The following KCNK10 variants were observed in gnomAD, a reference collection of about 807,000 sequenced individuals.
KCNK10 encodes the protein potassium two pore domain channel subfamily K member 10.
KCNK10 carries 25 observed loss-of-function variants against 47.7 expected under a neutral mutation model. That is an observed-to-expected ratio of 0.52 (90% CI 0.38 to 0.73). KCNK10 has a LOEUF of 0.73. KCNK10 is among the 30% of genes least tolerant of loss of function. The pLI is 0.00. For synonymous variants in KCNK10, 303 were observed against 285.6 expected (o/e 1.06, Z -0.61); for missense variants, 563 against 714.5 (o/e 0.79, Z 2.42).
chr14:88,235,108 TAGG>T lies in KCNK10; in HGVS notation c.520+5592_520+5594del. On this transcript the variant is annotated intron_variant, in intron 3 of 6. Coordinates refer to ENST00000319231, the MANE Select transcript of KCNK10 (RefSeq NM_138317.3). ...TGATCTGGTTCAGAAAACAGGGAGG[TAGG>T]ACAGAAATAATACAGAAGGACCCTA... 4 of 455,794 alleles carry T rather than the reference TAGG, an allele frequency of 8.8e-6. No homozygotes were observed. The Admixed American group carries it at 9.4e-5, about 11-fold the overall frequency. The allele number at this position is 455,794 out of a possible 1,614,324, so 28.2% of individuals were successfully genotyped here. A position where few individuals can be genotyped will look rare whatever the true frequency, so the allele number is the denominator to read the frequency against.
intron 4 of KCNK10, among the ~76,000 whole-genome samples, chr14:88,195,930 G>A (rs146353410): frequency 1.9e-3 from 293 of 152,342 alleles, no homozygotes; most frequent in African/African-American, 6.9e-3. Flanking sequence ...TTACTTACCA[G>A]TAAGCAGAGC....
At chr14:88,241,445 G>C in intron 2 of KCNK10, among the ~76,000 whole-genome samples, 1 of 152,056 alleles carries the variant, frequency 6.6e-6, no homozygotes, top group Middle Eastern at 3.4e-3. Context: ...TCCCAGTTAG[G>C]GTTTACCAAA....
At chr14:88,320,819 C>T (rs1225048191) in intron 1 of KCNK10, among the ~76,000 whole-genome samples, 1 of 152,164 alleles carries the variant, frequency 6.6e-6, no homozygotes, top group Non-Finnish European at 1.5e-5. Context: ...TGTCACTCCT[C>T]GTCTTGAAAC....
At chr14:88,313,617 C>G (rs1244553497) in intron 1 of KCNK10, among the ~76,000 whole-genome samples, 2 of 152,140 alleles carry the variant, frequency 1.3e-5, no homozygotes, top group African/African-American at 2.4e-5. Context: ...CATGAGCACA[C>G]CAGCTTGGAA....
intron 1 of KCNK10, among the ~76,000 whole-genome samples, chr14:88,300,066 C>T (rs1217553646): frequency 6.6e-6 from 1 of 152,150 alleles, no homozygotes; most frequent in Non-Finnish European, 1.5e-5. Context: ...AGCCTAATCT[C>T]ACTTCCTCTA....
intron 1 of KCNK10, among the ~76,000 whole-genome samples, chr14:88,275,811 G>A (rs898044240): frequency 5.3e-5 from 8 of 152,086 alleles, no homozygotes; most frequent in South Asian, 2.1e-4. Context: ...AGGTTGGAGT[G>A]AGCTGAGATT....
At chr14:88,294,937 T>G (rs1264057472) in intron 1 of KCNK10, among the ~76,000 whole-genome samples, 1 of 152,216 alleles carries the variant, frequency 6.6e-6, no homozygotes, top group Non-Finnish European at 1.5e-5. Context: ...TCATGAATAT[T>G]CTAATTCTCT....
chr14:88,203,904 C>T (rs1443554302), intron 4 of KCNK10, among the ~76,000 whole-genome samples: 1 of 152,114 alleles, frequency 6.6e-6, no homozygotes, highest in African/African-American at 2.4e-5. Context: ...GAAACTTGGA[C>T]AGGGTAGGTA....
chr14:88,196,280 T>A (rs1166985489), intron 4 of KCNK10, among the ~76,000 whole-genome samples: 1 of 152,216 alleles, frequency 6.6e-6, no homozygotes, highest in African/African-American at 2.4e-5. Context: ...AAAGACCAAG[T>A]AAGCTTCGTA....
chr14:88,234,779 G>T (rs540866243), intron 3 of KCNK10, among the ~76,000 whole-genome samples: 1 of 152,274 alleles, frequency 6.6e-6, no homozygotes, highest in South Asian at 2.1e-4. Context: ...TTGTATGTGG[G>T]CAGAAAATCC....
At chr14:88,191,254 AAAAC>A (rs1884737247) in intron 5 of KCNK10, among the ~76,000 whole-genome samples, 1 of 140,790 alleles carries the variant, frequency 7.1e-6, no homozygotes, top group Non-Finnish European at 1.6e-5. Context: ...CTGTTCAAAA[AAAAC>A]AAAAACAAAA....
At chr14:88,187,733 G>C (rs1182656825) in intron 6 of KCNK10, among the ~76,000 whole-genome samples, 1 of 151,724 alleles carries the variant, frequency 6.6e-6, no homozygotes, top group Non-Finnish European at 1.5e-5. Context: ...TTATGGGCTG[G>C]TAAACGAATC....
intron 2 of KCNK10, among the ~76,000 whole-genome samples, chr14:88,248,134 C>A (rs1002032407): frequency 1.3e-5 from 2 of 152,132 alleles, no homozygotes; most frequent in Admixed American, 1.3e-4. Flanking sequence ...CTGATATATG[C>A]CTTGCTCTCT....
At chr14:88,234,066 A>G (rs1010994863) in intron 3 of KCNK10, among the ~76,000 whole-genome samples, 2 of 152,150 alleles carry the variant, frequency 1.3e-5, no homozygotes, top group Non-Finnish European at 2.9e-5. Context: ...ACACAATGAA[A>G]CCTGACATTG....
chr14:88,284,558 A>G (rs1887722621), intron 1 of KCNK10, among the ~76,000 whole-genome samples: 1 of 152,204 alleles, frequency 6.6e-6, no homozygotes, highest in Non-Finnish European at 1.5e-5. Flanking sequence ...TGTAAGTCCA[A>G]GAGTCCAAAA....
At chr14:88,296,078 A>C (rs1307638452) in intron 1 of KCNK10, among the ~76,000 whole-genome samples, 1 of 152,182 alleles carries the variant, frequency 6.6e-6, no homozygotes, top group Non-Finnish European at 1.5e-5. Context: ...TATTGGTAGA[A>C]TCTTGCTCAG....
chr14:88,185,728 G>C lies in KCNK10; in HGVS notation c.1439C>G (p.Thr480Ser), dbSNP rs1041841269. The C allele has an allele frequency of 3.2e-5, 51 of 1,613,990 alleles. No homozygotes were observed. The highest frequency in any genetic ancestry group is 3.9e-5 in the Non-Finnish European group (46 of 1,180,026). Residue 480 changes from threonine (T) to serine (S), a missense_variant, in exon 7 of 7, where the codon ACC becomes AGC. Physicochemically the swap from Thr to Ser is moderately conservative, Grantham distance 58 (BLOSUM62 1). Transcript: ENST00000319231. The surrounding 1 kb of genome is among the most constrained non-coding windows in gnomAD (Gnocchi z 4.3). ...LPEDVQKIYK[T>S]FRNYSLDEEK... ...CTCGTCCAGGGAGTAATTCCGGAAG[G>C]TCTTGTAGATTTTCTGAACGTCCTC...
chr14:88,323,059 C>A lies in KCNK10; in HGVS notation c.-261G>T. On this transcript the variant is annotated 5_prime_UTR_variant, in exon 1 of 7. Coordinates refer to ENST00000319231, the MANE Select transcript of KCNK10 (RefSeq NM_138317.3). ...TGGGTAAAAGAAAAAGTAAGATCGG[C>A]GAGGGGTGGATGAAAGGATGGAGAG... 7.7e-7 allele frequency: 1 copy of A among 1,291,506 alleles called. No individual in the cohort carries two copies. Among genetic ancestry groups the A allele is most frequent in the Non-Finnish European group, 9.9e-7 (1 of 1,013,110 alleles). The allele number at this position is 1,291,506 out of a possible 1,614,324, so 80.0% of individuals were successfully genotyped here.
chr14:88,294,239 C>A (rs1887939413), intron 1 of KCNK10, among the ~76,000 whole-genome samples: 1 of 152,216 alleles, frequency 6.6e-6, no homozygotes, highest in African/African-American at 2.4e-5. Context: ...ACAGGCCAAT[C>A]AGGACCAAAA....
Sources: allele counts gnomAD v4.1 joint callset (sites outside exome capture counted in the v4.1 genomes callset), GRCh38; gene constraint gnomAD v4.1.1; non-coding constraint Gnocchi (gnomAD v3.1); transcripts MANE v1.5; gene names NCBI Gene and HGNC (gene_info 2026-07-23, HGNC 2026-07-21).